Variants in AFAP1 observed in about 807,000 individuals in gnomAD.
AFAP1 encodes actin filament associated protein 1, also known as actin filament-associated protein 1.
AFAP1 carries 75 observed loss-of-function variants against 93.9 expected under a neutral mutation model. That is an observed-to-expected ratio of 0.80 (90% CI 0.66 to 0.97). The LOEUF (loss-of-function observed/expected upper bound fraction) is 0.97. Ranked by LOEUF, AFAP1 falls within the 50% of genes least tolerant of loss-of-function variation. AFAP1 has a pLI of 0.00. For synonymous variants in AFAP1, 517 were observed against 430.7 expected (o/e 1.20, Z -2.48); for missense variants, 1,201 against 1,050.8 (o/e 1.14, Z -1.98).
chr4:7,838,874 TCA>T (rs774445946), intron 5 of AFAP1, among the ~76,000 whole-genome samples, 171 bp from the exon 6 acceptor site: 7 of 151,730 alleles, frequency 4.6e-5, no homozygotes, highest in Non-Finnish European at 8.8e-5. Context: ...ACAGTGCTCT[TCA>T]CAGACACTTC....
chr4:7,880,434 C>A (rs918357744), intron 1 of AFAP1, among the ~76,000 whole-genome samples: 1 of 152,162 alleles, frequency 6.6e-6, no homozygotes, highest in African/African-American at 2.4e-5. Context: ...CACCCACCAC[C>A]ACACCCGGCT....
At chr4:7,847,795 G>GGGGGGC (rs1553845908) in intron 4 of AFAP1, among the ~76,000 whole-genome samples, 1 of 80,374 alleles carries the variant, frequency 1.2e-5, no homozygotes, top group African/African-American at 3.4e-5. Context: ...GGGGTACTCG[G>GGGGGGC]GGTGGGGCAT....
At chr4:7,937,132 T>C (rs535335474) in intron 1 of AFAP1, among the ~76,000 whole-genome samples, 6 of 152,292 alleles carry the variant, frequency 3.9e-5, no homozygotes, top group East Asian at 1.9e-4. Flanking sequence ...AAAACAATTA[T>C]GAAGAATATG....
At chr4:7,922,287 T>C (rs538308104) in intron 1 of AFAP1, among the ~76,000 whole-genome samples, 29 of 152,286 alleles carry the variant, frequency 1.9e-4, no homozygotes, top group African/African-American at 6.5e-4. Context: ...GGAATAATAA[T>C]ACCTAACACA....
Position 7,817,915 on chromosome 4 carries a change from T to C in AFAP1, c.822+1161A>G, listed in dbSNP as rs894408861. 2.0e-5 allele frequency among the ~76,000 whole-genome samples: 3 copies of C among 152,296 alleles called. No homozygotes were observed. In the East Asian group the frequency reaches 5.8e-4, roughly 29 times the overall value. On this transcript the variant is annotated intron_variant, in intron 7 of 17. Coordinates refer to ENST00000420658, the MANE Select transcript of AFAP1 (RefSeq NM_001134647.2). Reference sequence around the variant, plus strand: ...GTGCTGTTGTAATGAGTGACTTTTTTCATCCCATTTATGTTTCTATGAGCT... The same window carrying C: ...GTGCTGTTGTAATGAGTGACTTTTTCCATCCCATTTATGTTTCTATGAGCT...
intron 4 of AFAP1, among the ~76,000 whole-genome samples, chr4:7,851,371 T>C (rs1714418280): frequency 6.6e-6 from 1 of 152,198 alleles, no homozygotes; most frequent in Non-Finnish European, 1.5e-5. Flanking sequence ...CTTAGTCCTG[T>C]GCGCTGCCTC....
At chr4:7,922,738 C>T (rs890463284) in intron 1 of AFAP1, among the ~76,000 whole-genome samples, 12 of 152,290 alleles carry the variant, frequency 7.9e-5, no homozygotes, top group Middle Eastern at 3.4e-3. Flanking sequence ...AATCCCAGCG[C>T]TTTCAGAGGC....
At chr4:7,888,260 C>G (rs564323639) in intron 1 of AFAP1, among the ~76,000 whole-genome samples, 9 of 152,306 alleles carry the variant, frequency 5.9e-5, no homozygotes, top group African/African-American at 1.7e-4. Flanking sequence ...TTCACCTAAA[C>G]GCACCAAAAC....
chr4:7,885,552 G>T (rs1229885977), intron 1 of AFAP1, among the ~76,000 whole-genome samples: 1 of 152,240 alleles, frequency 6.6e-6, no homozygotes, highest in African/African-American at 2.4e-5. Flanking sequence ...TTGGAAGACA[G>T]GGACCACTGT....
At chr4:7,782,041 G>A (rs1560154207) in intron 12 of AFAP1, among the ~76,000 whole-genome samples, 1 of 152,250 alleles carries the variant, frequency 6.6e-6, no homozygotes, top group Admixed American at 6.5e-5. Flanking sequence ...TGGAAGGGGA[G>A]GAATGAGCAT....
chr4:7,895,772 A>C (rs1270304677), intron 1 of AFAP1, among the ~76,000 whole-genome samples: 1 of 151,882 alleles, frequency 6.6e-6, no homozygotes, highest in Non-Finnish European at 1.5e-5. Context: ...TTAGCAGCTC[A>C]GTGATCTTTG....
chr4:7,920,254 A>C (rs1720369274), intron 1 of AFAP1, among the ~76,000 whole-genome samples: 1 of 152,134 alleles, frequency 6.6e-6, no homozygotes, highest in East Asian at 1.9e-4. Context: ...TTACATTCCC[A>C]CCAACAGTAT....
At chr4:7,808,985 C>A (rs1403548637) in intron 9 of AFAP1, among the ~76,000 whole-genome samples, 2 of 152,130 alleles carry the variant, frequency 1.3e-5, no homozygotes, top group African/African-American at 4.8e-5. Context: ...TTATGAATTA[C>A]CCAGCCTCAG....
intron 17 of AFAP1, among the ~76,000 whole-genome samples, chr4:7,765,028 C>T (rs920922642): frequency 3.3e-5 from 5 of 152,172 alleles, no homozygotes; most frequent in Admixed American, 2.6e-4. Context: ...ATTGCTTGAG[C>T]CCAGGAGTTT....
intron 5 of AFAP1, among the ~76,000 whole-genome samples, chr4:7,842,260 A>G (rs574948103): frequency 4.3e-4 from 65 of 149,510 alleles, no homozygotes; most frequent in African/African-American, 1.5e-3. Context: ...TTAGTAAAAC[A>G]AAAAAAGATT....
In AFAP1 at chr4:7,820,559, C is replaced by T. The variant is rs572003820; in HGVS notation, c.727-1388G>A. 5.5e-4 allele frequency among the ~76,000 whole-genome samples: 83 copies of T among 152,182 alleles called. 1 individual carries two copies. Among genetic ancestry groups the T allele is most frequent in the African/African-American group, 1.1e-3 (45 of 41,510 alleles). ...AAGCAGGCAGAAAACCAGGAGAGCA[C>T]AGTCTCCAAGGAGAGGGAGAAGAGA... On this transcript the variant is annotated intron_variant, in intron 6 of 17. Coordinates refer to ENST00000420658, the MANE Select transcript of AFAP1 (RefSeq NM_001134647.2).
intron 9 of AFAP1, among the ~76,000 whole-genome samples, chr4:7,801,914 C>CAAAAAAAAAAAAAAAAAAAAAAAAAAAAA (rs531684652): frequency 1.5e-5 from 1 of 65,186 alleles, no homozygotes; most frequent in African/African-American, 6.0e-5. Flanking sequence ...GACCCTATCA[C>CAAAAAAAAAAAAAAAAAAAAAAAAAAAAA]AAAAAAAAAA....
intron 13 of AFAP1, 177 bp from the exon 14 acceptor site, chr4:7,779,053 G>T: frequency 1.7e-6 from 1 of 588,890 alleles, no homozygotes; most frequent in South Asian, 2.1e-5. Context: ...TGGGCTGCTG[G>T]GATTCTGGGG....
At position 7,810,989 on chromosome 4, in the gene AFAP1, G is replaced by A. The variant is rs113148352; in HGVS notation, c.905-1226C>T. 2.8e-3 allele frequency among the ~76,000 whole-genome samples: 430 copies of A among 152,350 alleles called. 1 individual carries two copies. The highest frequency in any genetic ancestry group is 7.1e-3 in the African/African-American group (294 of 41,588). The stretch of plus-strand genomic sequence containing the variant: ...GATCAGGCAAGAAATCAGAACGTGC[G>A]TGTGAGACAGCACCAGAACCGAGTG... On this transcript the variant is annotated intron_variant, in intron 8 of 17. Transcript: ENST00000420658.
Sources: allele counts gnomAD v4.1 joint callset (sites outside exome capture counted in the v4.1 genomes callset), GRCh38; gene constraint gnomAD v4.1.1; transcripts MANE v1.5; gene names NCBI Gene and HGNC (gene_info 2026-07-23, HGNC 2026-07-21).